SFTPD: variants seen among roughly 807,000 people sequenced by gnomAD.
SFTPD encodes the protein pulmonary surfactant-associated protein D.
SFTPD carries 18 observed loss-of-function variants against 34.6 expected under a neutral mutation model. That is an observed-to-expected ratio of 0.52 (90% confidence interval 0.36 to 0.77). The LOEUF (loss-of-function observed/expected upper bound fraction) is 0.77. Among genes scored for constraint, SFTPD ranks in the 30% least tolerant of loss-of-function variants. The pLI, the probability that SFTPD is intolerant of heterozygous loss-of-function variation, is 0.00. For missense variants in SFTPD, 433 were observed against 468.9 expected (o/e 0.92, Z 0.71); for synonymous variants, 155 against 180.9 (o/e 0.86, Z 1.15).
Position 79,938,098 on chromosome 10 carries a change from G to C in SFTPD, c.882C>G (p.Ala294=), listed in dbSNP as rs150314369. ...AGGQLASPRS[A]AENAALQQLV... ...GCTGTTGCAAGGCGGCATTCTCAGC[G>C]GCAGAGCGTGGAGAGGCCAACTGTC... Residue 294 remains alanine (A), a synonymous_variant, in exon 8 of 8, where the codon GCC becomes GCG. Coordinates refer to ENST00000372292, the MANE Select transcript of SFTPD (RefSeq NM_003019.5). The C allele has an allele frequency of 2.5e-6, 4 of 1,614,180 alleles. No individual in the cohort carries two copies. The highest frequency in any genetic ancestry group is 1.6e-4 in the Middle Eastern group (1 of 6,062).
At chr10:79,947,029 G>A (rs1842672691) in intron 1 of SFTPD, among the ~76,000 whole-genome samples, 1 of 152,152 alleles carries the variant, frequency 6.6e-6, no homozygotes, top group South Asian at 2.1e-4. Context: ...AGTGCCTCTG[G>A]GCAGGACACC....
chr10:79,940,750 C>T lies in SFTPD; in HGVS notation c.706G>A (p.Gly236Arg), dbSNP rs746275183. The T allele has an allele frequency of 6.2e-7, 1 of 1,612,076 alleles. No homozygotes were observed. Among genetic ancestry groups the T allele is most frequent in the Non-Finnish European group, 8.5e-7 (1 of 1,178,372 alleles). ...GCAGCCTGGAGGTGCTGTACTTGTCCCTGTAAGGCCTCAACCTGCTGCCTC... is the reference window on the plus strand; with the variant it reads ...GCAGCCTGGAGGTGCTGTACTTGTCTCTGTAAGGCCTCAACCTGCTGCCTC... Reference protein sequence around the residue: ...SLRQQVEALQGQVQHLQAAFS... With the variant: ...SLRQQVEALQRQVQHLQAAFS... Residue 236 changes from glycine (G) to arginine (R), a missense_variant, in exon 7 of 8, where the codon GGA becomes AGA. By Grantham distance (125) the Gly-to-Arg change is moderately radical (BLOSUM62 -2). Coordinates refer to ENST00000372292, the MANE Select transcript of SFTPD (RefSeq NM_003019.5).
Position 79,942,440 on chromosome 10 carries a change from C to G in SFTPD, c.381G>C (p.Gly127=). The G allele has an allele frequency of 6.2e-7, 1 of 1,613,610 alleles. No individual in the cohort carries two copies. The highest frequency in any genetic ancestry group is 8.5e-7 in the Non-Finnish European group (1 of 1,179,604). The change falls in exon 4 of 8, where the codon GGG becomes GGC. Residue 127 remains glycine (G), a synonymous_variant. Transcript: ENST00000372292. The part of the protein sequence containing the change: ...AGREGPLGKQ[G]NIGPQGKPGP... ...CTGGCTTGCCCTGAGGTCCTATGTT[C>G]CCCTGCTTCCCCAGGGGACCTTCTC...
chr10:79,960,216 TC>T (rs1419740342), intron 1 of SFTPD, among the ~76,000 whole-genome samples: 1 of 145,706 alleles, frequency 6.9e-6, no homozygotes, highest in Non-Finnish European at 1.5e-5. Context: ...CTGGAAGCAT[TC>T]CCTTTGAAAA....
chr10:79,953,155 A>G (rs1047703719), upstream of SFTPD, among the ~76,000 whole-genome samples: 1 of 152,232 alleles, frequency 6.6e-6, no homozygotes, highest in African/African-American at 2.4e-5. Context: ...CTGGTGTCCA[A>G]TGTCTCTAGA....
At chr10:79,962,798 T>A (rs1486762874) in intron 1 of SFTPD, among the ~76,000 whole-genome samples, 3 of 152,236 alleles carry the variant, frequency 2.0e-5, no homozygotes, top group Non-Finnish European at 4.4e-5. Flanking sequence ...AAAAATGTAT[T>A]CAACTCCGTG....
intron 7 of SFTPD, among the ~76,000 whole-genome samples, chr10:79,939,490 A>G (rs184312469): frequency 1.5e-3 from 236 of 152,264 alleles, no homozygotes; most frequent in Middle Eastern, 3.4e-3. Context: ...ACGTGGGAGT[A>G]TGTAAGGTTC....
Position 79,941,519 on chromosome 10 carries a change from G to A in SFTPD, c.551-5C>T, listed in dbSNP as rs1039843356. Reference sequence around the variant, plus strand: ...GACCCATGGCTCCAGCAGACCCTGGGGTAAAAGAAGAACTGGGTGAGCTAT... The same window carrying A: ...GACCCATGGCTCCAGCAGACCCTGGAGTAAAAGAAGAACTGGGTGAGCTAT... On this transcript the variant is annotated splice_polypyrimidine_tract_variant and splice_region_variant and intron_variant, in intron 5 of 7. Coordinates refer to ENST00000372292, the MANE Select transcript of SFTPD (RefSeq NM_003019.5). 2 of 1,584,832 alleles carry A rather than the reference G, an allele frequency of 1.3e-6. No individual in the cohort carries two copies. The highest frequency in any genetic ancestry group is 1.4e-5 in the African/African-American group (1 of 73,104).
At chr10:79,938,322 G>C (rs1842578379) in intron 7 of SFTPD, 94 bp from the exon 8 acceptor site, 2 of 1,182,816 alleles carry the variant, frequency 1.7e-6, no homozygotes, top group African/African-American at 3.1e-5. Flanking sequence ...GAGCCTTTCA[G>C]ACCTCCCAAA....
chr10:79,946,530 C>G lies in SFTPD; in HGVS notation c.130G>C (p.Glu44Gln). ...ACTLVMCSSV[E>Q]SGLPGRDGRD... ...CCATCGCGACCAGGCAGGCCACTCT[C>G]CACTGAGCTACACATGACCAGGGTG... Residue 44 changes from glutamate (E) to glutamine (Q), a missense_variant, in exon 2 of 8, where the codon GAG becomes CAG. Physicochemically the swap from Glu to Gln is conservative, Grantham distance 29. Coordinates refer to ENST00000372292, the MANE Select transcript of SFTPD (RefSeq NM_003019.5). 1 of 1,614,198 alleles carries G rather than the reference C, an allele frequency of 6.2e-7. No individual in the cohort carries two copies. Among genetic ancestry groups the G allele is most frequent in the Non-Finnish European group, 8.5e-7 (1 of 1,180,018 alleles).
At chr10:79,939,022 G>A (rs896420364) in intron 7 of SFTPD, among the ~76,000 whole-genome samples, 2 of 152,242 alleles carry the variant, frequency 1.3e-5, no homozygotes, top group African/African-American at 4.8e-5. Context: ...GTGGGCAAGG[G>A]AAAGTCACTT....
chr10:79,958,053 C>G lies in SFTPD; in HGVS notation c.37-11391G>C, dbSNP rs532176576. Among the ~76,000 whole-genome samples, 13 of 152,230 alleles carry G rather than the reference C, an allele frequency of 8.5e-5. No homozygotes were observed. The South Asian group carries it at 2.7e-3, about 32-fold the overall frequency. ...GAATTTCATATCCAGTCAAACTAAG[C>G]TTCATAAGTGAAGGAGAAATAAAAT... On this transcript the variant is annotated intron_variant, in intron 1 of 5. Transcript: ENST00000444384.
Position 79,946,507 on chromosome 10 carries a change from A to G in SFTPD, c.153T>C (p.Asp51=). ...SSVESGLPGR[D]GRDGREGPRG... ...GAGGGCCCTCTCTCCCATCCCGTCC[A>G]TCGCGACCAGGCAGGCCACTCTCCA... The change falls in exon 2 of 8, where the codon GAT becomes GAC. Residue 51 remains aspartate (D), a synonymous_variant. Transcript: ENST00000372292. The G allele has an allele frequency of 6.2e-7, 1 of 1,614,116 alleles. No individual in the cohort carries two copies. The highest frequency in any genetic ancestry group is 2.2e-5 in the East Asian group (1 of 44,872).
At chr10:79,948,192 C>T (rs1278401202) in intron 1 of SFTPD, among the ~76,000 whole-genome samples, 1 of 152,242 alleles carries the variant, frequency 6.6e-6, no homozygotes, top group Non-Finnish European at 1.5e-5. Context: ...CCTGTTCTGG[C>T]AGAGGCTCAA....
rs1443662027 is a variant in SFTPD at position 79,937,832 on chromosome 10, C to T, written c.*20G>A. On this transcript the variant is annotated 3_prime_UTR_variant, in exon 8 of 8. Coordinates refer to ENST00000372292, the MANE Select transcript of SFTPD (RefSeq NM_003019.5). ...GGCCAAACTCCTGGGCCAAGCACTG[C>T]CCCACCCACCCCAGTTGGCTCAGAA... 1 of 1,525,130 alleles carries T rather than the reference C, an allele frequency of 6.6e-7. No individual in the cohort carries two copies. Among genetic ancestry groups the T allele is most frequent in the Admixed American group, 2.1e-5 (1 of 48,584 alleles). 94.5% of individuals were successfully genotyped at this position (1,525,130 alleles called of 1,614,324 possible).
chr10:79,981,988 A>C (rs1842893379), intron 1 of SFTPD: 2 of 303,824 alleles, frequency 6.6e-6, no homozygotes, highest in Non-Finnish European at 1.2e-5. Flanking sequence ...TCAGGCCGCC[A>C]GCCTCGCCCA....
At chr10:79,974,794 C>T (rs1021497612) in intron 1 of SFTPD, among the ~76,000 whole-genome samples, 5 of 151,922 alleles carry the variant, frequency 3.3e-5, no homozygotes, top group African/African-American at 1.2e-4. Context: ...GAGACCAGCT[C>T]GGTCAGGGAG....
intron 2 of SFTPD, among the ~76,000 whole-genome samples, chr10:79,943,905 A>G (rs1227303892): frequency 6.6e-6 from 1 of 152,256 alleles, no homozygotes; most frequent in Non-Finnish European, 1.5e-5. Flanking sequence ...AGTCAGCAGC[A>G]GGAAGATGGA....
At chr10:79,941,142 A>G (rs1842607230) in intron 6 of SFTPD, among the ~76,000 whole-genome samples, 1 of 152,210 alleles carries the variant, frequency 6.6e-6, no homozygotes, top group African/African-American at 2.4e-5. Flanking sequence ...TGTCCTATGA[A>G]TTGGGAAGGC....
Sources: gnomAD v4.1 joint callset for allele counts (sites outside exome capture counted in the v4.1 genomes callset) on GRCh38, gnomAD v4.1.1 for gene constraint, MANE v1.5 for transcripts, NCBI Gene and HGNC (gene_info 2026-07-23, HGNC 2026-07-21) for gene names.